The following ACAP2 variants were observed in gnomAD, a reference collection of about 807,000 sequenced individuals.
The protein encoded by ACAP2 is ArfGAP with coiled-coil, ankyrin repeat and PH domains 2.
A neutral mutation model predicts 115.8 loss-of-function variants in ACAP2; 39 were observed. That is an observed-to-expected ratio of 0.34 (90% CI 0.26 to 0.44). The LOEUF is 0.44. Among genes scored for constraint, ACAP2 ranks in the 20% least tolerant of loss-of-function variants. The pLI is 1.00. For synonymous variants in ACAP2, 289 were observed against 315.8 expected, an observed-to-expected ratio of 0.92 and a Z score of 0.90; for missense variants, 662 against 927.6, an observed-to-expected ratio of 0.71 and a Z score of 3.72.
At chr3:195,395,695 C>T (rs1711705799) in intron 1 of ACAP2, among the ~76,000 whole-genome samples, 1 of 152,178 alleles carries the variant, frequency 6.6e-6, no homozygotes, top group African/African-American at 2.4e-5. Flanking sequence ...TATTTACTAT[C>T]TGGCCCTTTA....
chr3:195,428,114 G>A (rs1714820002), intron 1 of ACAP2, among the ~76,000 whole-genome samples: 1 of 151,716 alleles, frequency 6.6e-6, no homozygotes. Flanking sequence ...GGACTAAGCA[G>A]TATTATGTCA....
At chr3:195,360,301 G>A (rs1430436537) in intron 4 of ACAP2, among the ~76,000 whole-genome samples, 1 of 151,996 alleles carries the variant, frequency 6.6e-6, no homozygotes, top group African/African-American at 2.4e-5. Flanking sequence ...AATGATAAAG[G>A]GTTCAATTCA....
chr3:195,425,777 G>T (rs7635603), intron 1 of ACAP2, among the ~76,000 whole-genome samples: 46,128 of 151,836 alleles, frequency 0.3, 8,052 homozygotes, highest in East Asian at 0.81. Context: ...CCAAAAATGC[G>T]ATTTTTTTAT....
At chr3:195,319,585 T>C (rs1217016759) in intron 10 of ACAP2, among the ~76,000 whole-genome samples, 1 of 152,258 alleles carries the variant, frequency 6.6e-6, no homozygotes, top group Non-Finnish European at 1.5e-5. Context: ...ATTTAATGAC[T>C]GCCTGGCTGG....
intron 15 of ACAP2, among the ~76,000 whole-genome samples, chr3:195,300,209 G>C (rs1166061036): frequency 1.3e-5 from 2 of 151,832 alleles, no homozygotes; most frequent in Non-Finnish European, 2.9e-5. Flanking sequence ...ACCACGCCTG[G>C]CTAATTTTTG....
At chr3:195,424,279 ATATATTTTTTTTTTTTTT>A (rs1483981754) in intron 1 of ACAP2, among the ~76,000 whole-genome samples, 7 of 50,698 alleles carry the variant, frequency 1.4e-4, no homozygotes, top group Admixed American at 3.4e-4. Flanking sequence ...ATATATATAT[ATATATTTTTTTTTTTTTT>A]TTTTTTTTTT....
intron 6 of ACAP2, 34 bp from the exon 7 acceptor site, chr3:195,337,010 C>T (rs201302733): frequency 4.3e-5 from 68 of 1,584,162 alleles, no homozygotes; most frequent in Non-Finnish European, 9.5e-6. Context: ...ATCACCCATG[C>T]ATTATTTTAA....
intron 1 of ACAP2, among the ~76,000 whole-genome samples, chr3:195,396,793 G>GAAAAAAAAAAAAAAAAAAAA (rs62983860): frequency 1.1e-5 from 1 of 91,820 alleles, no homozygotes; most frequent in African/African-American, 4.4e-5. Context: ...TCTCAAAAAA[G>GAAAAAAAAAAAAAAAAAAAA]AAAAAAAAAA....
At chr3:195,301,368 G>A (rs1335268866) in intron 15 of ACAP2, among the ~76,000 whole-genome samples, 1 of 152,134 alleles carries the variant, frequency 6.6e-6, no homozygotes, top group African/African-American at 2.4e-5. Flanking sequence ...TTACAGGCGT[G>A]AGCCACCGCA....
At chr3:195,341,416 C>G (rs184014892) in intron 6 of ACAP2, among the ~76,000 whole-genome samples, 1,961 of 150,276 alleles carry the variant, frequency 0.013, 35 homozygotes, top group African/African-American at 0.043. Flanking sequence ...GCTCCGCCTC[C>G]TGGGTTCACG....
chr3:195,335,062 A>G (rs1730413630), intron 7 of ACAP2, among the ~76,000 whole-genome samples: 1 of 152,168 alleles, frequency 6.6e-6, no homozygotes, highest in South Asian at 2.1e-4. Context: ...ACATCTTTAA[A>G]TGATTTAAAG....
chr3:195,299,452 A>G (rs1727880265), intron 15 of ACAP2, among the ~76,000 whole-genome samples: 1 of 151,780 alleles, frequency 6.6e-6, no homozygotes, highest in Non-Finnish European at 1.5e-5. Context: ...CTGAGGCACA[A>G]GAATTGTTCC....
At chr3:195,391,634 G>T (rs1223405832) in intron 2 of ACAP2, among the ~76,000 whole-genome samples, 2 of 152,126 alleles carry the variant, frequency 1.3e-5, no homozygotes, top group Non-Finnish European at 2.9e-5. Flanking sequence ...AAGCTACTTA[G>T]TGTCTCTAGT....
chr3:195,341,796 C>T (rs1730895997), intron 6 of ACAP2, among the ~76,000 whole-genome samples: 1 of 152,062 alleles, frequency 6.6e-6, no homozygotes. Flanking sequence ...ATTATATTTT[C>T]CCTATTGTCA....
At chr3:195,385,197 G>C (rs1734214902) in intron 2 of ACAP2, among the ~76,000 whole-genome samples, 1 of 150,704 alleles carries the variant, frequency 6.6e-6, no homozygotes, top group Admixed American at 6.6e-5. Context: ...AGGAACTCTT[G>C]AGGCCAGGCA....
intron 1 of ACAP2, among the ~76,000 whole-genome samples, chr3:195,426,591 AT>A (rs1464897072): frequency 2.0e-5 from 3 of 152,220 alleles, no homozygotes; most frequent in Admixed American, 6.5e-5. Flanking sequence ...AGAATATACG[AT>A]GCAGTCTTTT....
intron 4 of ACAP2, among the ~76,000 whole-genome samples, chr3:195,363,485 AT>A (rs1732507150): frequency 6.6e-6 from 1 of 152,198 alleles, no homozygotes; most frequent in Non-Finnish European, 1.5e-5. Flanking sequence ...TCTACTAAAA[AT>A]ACAAAATTAA....
At chr3:195,394,973 A>G (rs1231654148) in intron 1 of ACAP2, among the ~76,000 whole-genome samples, 1 of 148,014 alleles carries the variant, frequency 6.8e-6, no homozygotes, top group Non-Finnish European at 1.5e-5. Context: ...AGGACTGTTC[A>G]TATCATCAAT....
At chr3:195,392,301 C>T (rs1404292935) in intron 1 of ACAP2, among the ~76,000 whole-genome samples, 154 bp from the exon 2 acceptor site, 1 of 152,146 alleles carries the variant, frequency 6.6e-6, no homozygotes, top group Non-Finnish European at 1.5e-5. Context: ...ATCAATACTT[C>T]ATAATCATGC....
Sources: gnomAD v4.1 joint callset for allele counts (sites outside exome capture counted in the v4.1 genomes callset) on GRCh38, gnomAD v4.1.1 for gene constraint, MANE v1.5 for transcripts, NCBI Gene and HGNC (gene_info 2026-07-23, HGNC 2026-07-21) for gene names.